Variants in CD300LG observed in about 807,000 individuals in gnomAD.
CD300LG encodes CMRF35-like molecule 9.
A neutral mutation model predicts 31.5 loss-of-function variants in CD300LG; 29 were observed. The observed-to-expected ratio is 0.92, with a 90% confidence interval of 0.68 to 1.25. The LOEUF (loss-of-function observed/expected upper bound fraction) is 1.25, where lower values mean the gene tolerates loss of function less well. Ranked by LOEUF, CD300LG falls within the 50% of genes most tolerant of loss-of-function variation. CD300LG has a pLI of 0.00. For synonymous variants in CD300LG, 175 were observed against 177.2 expected (o/e 0.99, Z 0.10); for missense variants, 396 against 417.6 (o/e 0.95, Z 0.45).
chr17:43,860,148 G>A (rs2143414060), intron 6 of CD300LG, among the ~76,000 whole-genome samples: 1 of 152,314 alleles, frequency 6.6e-6, no homozygotes, highest in South Asian at 2.1e-4. Context: ...TGGACACCGA[G>A]CCCAAGAGGA....
At chr17:43,857,727 C>A in intron 6 of CD300LG, 1 of 1,484,852 alleles carries the variant, frequency 6.7e-7, no homozygotes, top group Non-Finnish European at 9.1e-7. Context: ...GGTCACACAG[C>A]AGGTGGTGGC....
intron 6 of CD300LG, among the ~76,000 whole-genome samples, chr17:43,860,413 G>A (rs2143415222): frequency 6.6e-6 from 1 of 152,356 alleles, no homozygotes. Flanking sequence ...TTTGGCCATG[G>A]GATTCACTGT....
intron 2 of CD300LG, among the ~76,000 whole-genome samples, chr17:43,851,133 CA>C (rs777282117): frequency 2.4e-3 from 98 of 40,612 alleles, no homozygotes; most frequent in South Asian, 0.014. Flanking sequence ...GACTCAGTCT[CA>C]AAAAAAAAAA....
chr17:43,861,776 A>G (rs1178553982), intron 6 of CD300LG, 22 bp from the exon 7 acceptor site: 8 of 1,523,502 alleles, frequency 5.3e-6, no homozygotes, highest in Non-Finnish European at 7.1e-6. Context: ...CTGCTCTCCA[A>G]ACCCCACTGT....
At position 43,853,966 on chromosome 17, in the gene CD300LG, C is replaced by G; in HGVS notation, c.641C>G (p.Ser214Cys). The G allele has an allele frequency of 6.2e-7, 1 of 1,614,186 alleles. No individual in the cohort carries two copies. Among genetic ancestry groups the G allele is most frequent in the Non-Finnish European group, 8.5e-7 (1 of 1,180,020 alleles). The change falls in exon 4 of 7, where the codon TCC becomes TGC. Residue 214 changes from serine (S) to cysteine (C), a missense_variant. Coordinates refer to ENST00000317310, the MANE Select transcript of CD300LG (RefSeq NM_145273.4). ...HPATSPPAGS[S>C]RPPMQLDSTS... The stretch of plus-strand genomic sequence containing the variant: ...GCGACCTCTCCTCCTGCAGGGAGCT[C>G]CCGCCCCCCCATGCAGCTGGACTCC...
intron 1 of CD300LG, among the ~76,000 whole-genome samples, chr17:43,847,922 C>G (rs1437203152): frequency 6.6e-6 from 1 of 152,168 alleles, no homozygotes; most frequent in Non-Finnish European, 1.5e-5. Flanking sequence ...GCCCTCCAGC[C>G]TGGGCAACAG....
rs753705106 is a variant in CD300LG at position 43,862,081 on chromosome 17, C to T, written c.*170C>T. The T allele has an allele frequency of 2.0e-6, 1 of 503,122 alleles. No homozygotes were observed. Among genetic ancestry groups the T allele is most frequent in the East Asian group, 3.4e-5 (1 of 29,066 alleles). 31.2% of individuals were successfully genotyped at this position (503,122 alleles called of 1,614,324 possible). ...TGCATGTTCCAGCCTGACCTAGAAG[C>T]GTTTGTCAGCCCTGGAGCCCAGAGC... On this transcript the variant is annotated 3_prime_UTR_variant, in exon 7 of 7. Coordinates refer to ENST00000317310, the MANE Select transcript of CD300LG (RefSeq NM_145273.4).
At chr17:43,857,037 G>A (rs2046542211) in intron 5 of CD300LG, 67 bp from the exon 6 acceptor site, 2 of 1,533,580 alleles carry the variant, frequency 1.3e-6, no homozygotes, top group Non-Finnish European at 1.8e-6. Context: ...ACCTTTCTGG[G>A]AGCAGCTACA....
chr17:43,853,888 C>G lies in CD300LG; in HGVS notation c.563C>G (p.Ser188Cys), dbSNP rs2046433106. 2 of 1,614,054 alleles carry G rather than the reference C, an allele frequency of 1.2e-6. No homozygotes were observed. The change falls in exon 4 of 7, where the codon TCC (serine) becomes TGC (cysteine). Residue 188 changes from serine (S) to cysteine (C), a missense_variant. Ser to Cys is a moderately radical substitution (Grantham distance 112). Transcript: ENST00000317310. ...GAGGCCCCTCCATTGCCAGGGACTT[C>G]CCAGTACGGGCACGAAAGGACTTCT... Reference protein sequence around the residue: ...GAEAPPLPGTSQYGHERTSQY... With the variant: ...GAEAPPLPGTCQYGHERTSQY...
chr17:43,850,500 T>G (rs1481810806), intron 2 of CD300LG, among the ~76,000 whole-genome samples: 2 of 152,136 alleles, frequency 1.3e-5, no homozygotes, highest in Admixed American at 6.5e-5. Flanking sequence ...AGATGGGGTC[T>G]CACTCTGTCA....
chr17:43,852,452 G>A (rs1341443471), intron 2 of CD300LG, among the ~76,000 whole-genome samples: 2 of 152,304 alleles, frequency 1.3e-5, no homozygotes, highest in East Asian at 3.9e-4. Context: ...GACCTCACGT[G>A]ATCCACCAGC....
At chr17:43,849,776 C>T (rs2046295621) in intron 2 of CD300LG, 1 of 152,196 alleles carries the variant, frequency 6.6e-6, no homozygotes, top group Admixed American at 6.5e-5. Flanking sequence ...CTGCTTTATT[C>T]CTCTCCTAGC....
intron 2 of CD300LG, chr17:43,849,179 G>A (rs1220543625): frequency 2.8e-5 from 15 of 540,280 alleles, no homozygotes; most frequent in Admixed American, 3.3e-5. Flanking sequence ...GCCCAGGTGT[G>A]CTGGAGGGAG....
At chr17:43,855,954 T>G (rs1014533171) in intron 5 of CD300LG, among the ~76,000 whole-genome samples, 2 of 152,226 alleles carry the variant, frequency 1.3e-5, no homozygotes, top group African/African-American at 4.8e-5. Flanking sequence ...AATTACTTAT[T>G]TTTTAGACAT....
chr17:43,855,202 T>C lies in CD300LG; in HGVS notation c.720-5T>C, dbSNP rs987738819. The C allele has an allele frequency of 1.3e-6, 2 of 1,596,834 alleles. No individual in the cohort carries two copies. The highest frequency in any genetic ancestry group is 1.7e-6 in the Non-Finnish European group (2 of 1,171,942). Reference sequence around the variant, plus strand: ...GCCACTAGGCTCCTTGCGTCTCGTCTCCAGGGTGTCCATCCCGATGGTCCG... The same window carrying C: ...GCCACTAGGCTCCTTGCGTCTCGTCCCCAGGGTGTCCATCCCGATGGTCCG... On this transcript the variant is annotated splice_polypyrimidine_tract_variant and splice_region_variant and intron_variant, in intron 4 of 6. Transcript: ENST00000317310.
chr17:43,854,536 G>A (rs73985462), intron 4 of CD300LG, among the ~76,000 whole-genome samples: 2,073 of 152,228 alleles, frequency 0.014, 41 homozygotes, highest in African/African-American at 0.046. Context: ...CAATGGGGGC[G>A]GGGATCCGTT....
rs2046481718 is a variant in CD300LG, at chr17:43,855,232, C to T, written c.745C>T (p.Leu249=). 4 of 1,609,742 alleles carry T rather than the reference C, an allele frequency of 2.5e-6. No homozygotes were observed. The highest frequency in any genetic ancestry group is 2.2e-5 in the South Asian group (2 of 89,796). ...GGTGTCCATCCCGATGGTCCGCATA[C>T]TGGCCCCAGTCCTGGTGCTGCTGAG... is the stretch of plus-strand genomic sequence containing the variant. ...PRVSIPMVRI[L]APVLVLLSLL... The change falls in exon 5 of 7, where the codon CTG becomes TTG. Residue 249 remains leucine (L), a synonymous_variant. Transcript: ENST00000317310.
At position 43,855,285 on chromosome 17, in the gene CD300LG, C is replaced by G; in HGVS notation, c.798C>G (p.Ala266=). Residue 266 remains alanine, a synonymous_variant, in exon 5 of 7, where the codon GCC becomes GCG. Coordinates refer to ENST00000317310, the MANE Select transcript of CD300LG (RefSeq NM_145273.4). The part of the protein sequence containing the change: ...LSLLSAAGLI[A]FCSHLLLWRK... The stretch of plus-strand genomic sequence containing the variant: ...TTCTGTCAGCCGCAGGCCTGATCGC[C>G]TTCTGCAGCCACCTGCTCCTGTGGA... The G allele has an allele frequency of 6.2e-7, 1 of 1,602,824 alleles. No homozygotes were observed. The highest frequency in any genetic ancestry group is 8.5e-7 in the Non-Finnish European group (1 of 1,176,116).
chr17:43,847,209 C>CG lies in CD300LG; in HGVS notation c.-7dup, dbSNP rs746716326. The CG allele has an allele frequency of 1.2e-5, 20 of 1,613,702 alleles. No individual in the cohort carries two copies. The highest frequency in any genetic ancestry group is 2.5e-6 in the Non-Finnish European group (3 of 1,179,848). On this transcript the variant is annotated 5_prime_UTR_variant, in exon 1 of 7. Transcript: ENST00000317310. ...CAGCGTCTGCTCCCACGGTGTCCAG[C>CG]GCCCAGAATGCGGCTTCTGGTCCTG... is the stretch of plus-strand genomic sequence containing the variant.
Sources: allele counts gnomAD v4.1 joint callset (sites outside exome capture counted in the v4.1 genomes callset), GRCh38; gene constraint gnomAD v4.1.1; transcripts MANE v1.5; gene names NCBI Gene and HGNC (gene_info 2026-07-23, HGNC 2026-07-21).